The following CASZ1 variants were observed in gnomAD, a reference collection of about 807,000 sequenced individuals.
CASZ1 encodes the protein castor zinc finger 1, also known as zinc finger protein castor homolog 1.
Under a neutral mutation model 135.2 loss-of-function variants are expected in CASZ1, and 28 were observed. The ratio of observed to expected loss-of-function variants is 0.21; its 90% CI spans 0.15 to 0.28. The LOEUF (loss-of-function observed/expected upper bound fraction) is 0.28, where lower values mean the gene tolerates loss of function less well. Ranked by LOEUF, CASZ1 falls within the 10% of genes least tolerant of loss-of-function variation. CASZ1 has a pLI of 1.00. For missense variants in CASZ1, 2,161 were observed against 2,453.3 expected, an observed-to-expected ratio of 0.88 and a Z score of 2.52; for synonymous variants, 1,068 against 1,073.4, an observed-to-expected ratio of 0.99 and a Z score of 0.10.
rs963298078 is a variant in CASZ1 at position 10,726,491 on chromosome 1, G to A, written c.-76-20947C>T. Among the ~76,000 whole-genome samples, 8 of 152,186 alleles carry A rather than the reference G, an allele frequency of 5.3e-5. No homozygotes were observed. The highest frequency in any genetic ancestry group is 1.9e-4 in the African/African-American group (8 of 41,458). On this transcript the variant is annotated intron_variant, in intron 2 of 20. Transcript: ENST00000377022. The surrounding 1 kb of genome is among the most constrained non-coding windows in gnomAD (Gnocchi z 5.7). ...GTAGTCCTCCAGGCTGGCCAGGCTGGGGCCGGTGGAGGATGCCACCTTTTC... is the reference window on the plus strand; with the variant it reads ...GTAGTCCTCCAGGCTGGCCAGGCTGAGGCCGGTGGAGGATGCCACCTTTTC...
rs1224005442 is a variant in CASZ1, at chr1:10,639,205, A to G, written c.5017T>C (p.Ser1673Pro). ...TCCTCCTCCTCGTCCTCCTGCGAGG[A>G]CTCCCCAGCTGCGGCGGCGGCGGCG... Reference protein sequence around the residue: ...AAAAAAAAGESSQEDEEEELE... With the variant: ...AAAAAAAAGEPSQEDEEEELE... The change falls in exon 21 of 21, where the codon TCC becomes CCC. Residue 1673 changes from serine to proline, a missense_variant. Coordinates refer to ENST00000377022, the MANE Select transcript of CASZ1 (RefSeq NM_001079843.3). The surrounding 1 kb of genome is among the most constrained non-coding windows in gnomAD (Gnocchi z 4.0). 6 of 954,720 alleles carry G rather than the reference A, an allele frequency of 6.3e-6. No individual in the cohort carries two copies. Among genetic ancestry groups the G allele is most frequent in the Non-Finnish European group, 7.6e-6 (6 of 794,576 alleles). The allele number at this position is 954,720 out of a possible 1,614,324, so 59.1% of individuals were successfully genotyped here. A position where few individuals can be genotyped will look rare whatever the true frequency, so the allele number is the denominator to read the frequency against.
Position 10,697,252 on chromosome 1 carries a change from C to T in CASZ1, c.-23-3340G>A, listed in dbSNP as rs1259676099. Among the ~76,000 whole-genome samples the T allele has an allele frequency of 6.6e-6, 1 of 150,736 alleles. No homozygotes were observed. Among genetic ancestry groups the T allele is most frequent in the East Asian group, 1.9e-4 (1 of 5,186 alleles). ...CCCCCAGATTATGCGCCCCCCCCTT[C>T]TCTCTCTTTCTCTCTGAGTGTATCT... On this transcript the variant is annotated intron_variant, in intron 3 of 20. Coordinates refer to ENST00000377022, the MANE Select transcript of CASZ1 (RefSeq NM_001079843.3). The surrounding 1 kb of genome is among the most constrained non-coding windows in gnomAD (Gnocchi z 4.7).
In CASZ1 at chr1:10,788,486, A is replaced by T. The variant is rs1640898140; in HGVS notation, c.-234+8078T>A. The stretch of plus-strand genomic sequence containing the variant: ...TAAGATCTGCGAAACCCCTCAAAGT[A>T]TAAGCAACATTTATGCTTACGAGAT... On this transcript the variant is annotated intron_variant, in intron 1 of 20. Coordinates refer to ENST00000377022, the MANE Select transcript of CASZ1 (RefSeq NM_001079843.3). This position sits in a 1 kb window ranked among gnomAD's most constrained non-coding sequence, Gnocchi z 4.1. 1.3e-5 allele frequency among the ~76,000 whole-genome samples: 2 copies of T among 152,206 alleles called. No homozygotes were observed. Among genetic ancestry groups the T allele is most frequent in the South Asian group, 4.1e-4 (2 of 4,830 alleles).
chr1:10,654,351 A>G, intron 10 of CASZ1, 68 bp downstream of exon 10: 1 of 1,585,854 alleles, frequency 6.3e-7, no homozygotes, highest in South Asian at 1.2e-5. Context: ...GAGCCGTCCC[A>G]CGAGCCTGGG....
intron 4 of CASZ1, among the ~76,000 whole-genome samples, chr1:10,678,151 G>A (rs760074837): frequency 2.0e-5 from 3 of 152,184 alleles, no homozygotes; most frequent in Non-Finnish European, 4.4e-5. Context: ...AGGCGGCGGC[G>A]TGGGCAGCAG....
At chr1:10,737,625 C>T (rs1639825503) in intron 2 of CASZ1, among the ~76,000 whole-genome samples, 1 of 152,242 alleles carries the variant, frequency 6.6e-6, no homozygotes, top group South Asian at 2.1e-4. Context: ...AGTTACATGG[C>T]TGTAAGGGTT....
At chr1:10,645,151 G>C in intron 17 of CASZ1, 63 bp from the exon 18 acceptor site, 1 of 1,486,780 alleles carries the variant, frequency 6.7e-7, no homozygotes, top group Non-Finnish European at 9.3e-7. Flanking sequence ...TGCCTGCCCC[G>C]GGCCTGAGGC....
At chr1:10,668,477 G>A (rs1643305379) in intron 4 of CASZ1, among the ~76,000 whole-genome samples, 4 of 152,268 alleles carry the variant, frequency 2.6e-5, no homozygotes, top group African/African-American at 9.6e-5. Context: ...GCTTGGGCCA[G>A]AGGGTGGGAA....
At chr1:10,754,494 A>G (rs551674942) in intron 2 of CASZ1, among the ~76,000 whole-genome samples, 2 of 152,138 alleles carry the variant, frequency 1.3e-5, no homozygotes, top group Admixed American at 1.3e-4. Context: ...GGCCCAACCC[A>G]GTGGGCTCCT....
chr1:10,748,838 G>A (rs1640095901), intron 2 of CASZ1, among the ~76,000 whole-genome samples: 1 of 152,228 alleles, frequency 6.6e-6, no homozygotes, highest in African/African-American at 2.4e-5. Context: ...GGCCCACGTG[G>A]CCAGAGCAAG....
At chr1:10,730,649 A>G (rs1393521636) in intron 2 of CASZ1, among the ~76,000 whole-genome samples, 3 of 152,234 alleles carry the variant, frequency 2.0e-5, no homozygotes, top group Non-Finnish European at 2.9e-5. Context: ...CTTCCAGGGG[A>G]AAAAAACCTG....
At position 10,767,459 on chromosome 1, in the gene CASZ1, G is replaced by T. The variant is rs187616332; in HGVS notation, c.-233-6602C>A. ...GATCCCTGGAGGGGACAGGGCGGGG[G>T]CGATGGGAGCACAGGCTTCCCCTAT... On this transcript the variant is annotated intron_variant, in intron 1 of 20. Transcript: ENST00000377022. This position sits in a 1 kb window ranked among gnomAD's most constrained non-coding sequence, Gnocchi z 4.2. Among the ~76,000 whole-genome samples, 20 of 152,314 alleles carry T rather than the reference G, an allele frequency of 1.3e-4. No homozygotes were observed. Among genetic ancestry groups the T allele is most frequent in the African/African-American group, 4.8e-4 (20 of 41,576 alleles).
intron 4 of CASZ1, among the ~76,000 whole-genome samples, chr1:10,675,160 G>A (rs748582555): frequency 6.6e-6 from 1 of 152,218 alleles, no homozygotes; most frequent in African/African-American, 2.4e-5. Flanking sequence ...CCCTCCTGAC[G>A]AAGTGACTTA....
At chr1:10,664,972 G>T (rs754490852) in intron 5 of CASZ1, 111 bp downstream of exon 5, 177 of 1,225,828 alleles carry the variant, frequency 1.4e-4, no homozygotes, top group Non-Finnish European at 1.6e-4. Context: ...ATGAGGGGCC[G>T]GTATTTAGAG....
At chr1:10,681,516 A>G (rs1291979724) in intron 4 of CASZ1, among the ~76,000 whole-genome samples, 1 of 151,690 alleles carries the variant, frequency 6.6e-6, no homozygotes, top group Non-Finnish European at 1.5e-5. Context: ...CTGACATTTC[A>G]CTTTCTCTGG....
chr1:10,745,119 T>C (rs1640015194), intron 2 of CASZ1, among the ~76,000 whole-genome samples: 1 of 152,174 alleles, frequency 6.6e-6, no homozygotes, highest in African/African-American at 2.4e-5. Context: ...GGCTCCTAAG[T>C]GGGACTGGGA....
chr1:10,687,922 A>G (rs981240413), intron 4 of CASZ1, among the ~76,000 whole-genome samples: 1 of 152,198 alleles, frequency 6.6e-6, no homozygotes, highest in African/African-American at 2.4e-5. Context: ...AAAGCTCTCA[A>G]GGAGCTAAAA....
chr1:10,726,641 G>T lies in CASZ1; in HGVS notation c.-76-21097C>A, dbSNP rs1290277249. Among the ~76,000 whole-genome samples, 1 of 152,216 alleles carries T rather than the reference G, an allele frequency of 6.6e-6. No individual in the cohort carries two copies. The highest frequency in any genetic ancestry group is 1.5e-5 in the Non-Finnish European group (1 of 68,028). ...CCTGGCGCTGTGCGGCCCCTGCCTG[G>T]GTGCGGTGCCAGCTCACTACACCAG... On this transcript the variant is annotated intron_variant, in intron 2 of 20. Coordinates refer to ENST00000377022, the MANE Select transcript of CASZ1 (RefSeq NM_001079843.3). The surrounding 1 kb of genome is among the most constrained non-coding windows in gnomAD (Gnocchi z 5.7).
At chr1:10,695,664 A>G (rs1638918065) in intron 3 of CASZ1, among the ~76,000 whole-genome samples, 1 of 149,274 alleles carries the variant, frequency 6.7e-6, no homozygotes, top group South Asian at 2.2e-4. Flanking sequence ...ATGGCCAGCC[A>G]GGCGCTTTGT....
Sources: gnomAD v4.1 joint callset for allele counts (sites outside exome capture counted in the v4.1 genomes callset) on GRCh38, gnomAD v4.1.1 for gene constraint, Gnocchi (gnomAD v3.1) non-coding constraint, MANE v1.5 for transcripts, NCBI Gene and HGNC (gene_info 2026-07-23, HGNC 2026-07-21) for gene names.